Variants in NRXN3 observed in about 807,000 individuals in gnomAD.
NRXN3 encodes the protein neurexin 3.
In NRXN3, 32 loss-of-function variants were observed where a neutral mutation model predicts 137.6. That is an observed-to-expected ratio of 0.23 (90% CI 0.18 to 0.31). NRXN3 has a LOEUF of 0.31. NRXN3 is among the 10% of genes least tolerant of loss of function. The probability of loss-of-function intolerance (pLI) is 1.00; values close to 1 mark genes in which losing one functional copy is unlikely to be tolerated. For synonymous variants in NRXN3, 798 were observed against 784.5 expected, an observed-to-expected ratio of 1.02 and a Z score of -0.29; for missense variants, 1,574 against 2,062.5, an observed-to-expected ratio of 0.76 and a Z score of 4.59.
intron 2 of NRXN3, among the ~76,000 whole-genome samples, chr14:78,268,191 G>A (rs936694246): frequency 3.9e-5 from 6 of 152,098 alleles, no homozygotes; most frequent in African/African-American, 1.2e-4. Context: ...GTGTATCTTA[G>A]TATGGATGAA....
At chr14:79,472,313 C>T (rs2153624679) in intron 16 of NRXN3, among the ~76,000 whole-genome samples, 1 of 152,134 alleles carries the variant, frequency 6.6e-6, no homozygotes, top group East Asian at 1.9e-4. Context: ...CTCATCTGGG[C>T]CTTATAAAAG....
At chr14:79,283,498 G>A (rs1234226988) in intron 15 of NRXN3, among the ~76,000 whole-genome samples, 3 of 152,104 alleles carry the variant, frequency 2.0e-5, no homozygotes, top group Non-Finnish European at 2.9e-5. Context: ...CTACACTTTT[G>A]CCTGTGCTTG....
chr14:79,396,325 T>C (rs1247758600), intron 15 of NRXN3, among the ~76,000 whole-genome samples: 2 of 152,128 alleles, frequency 1.3e-5, no homozygotes, highest in African/African-American at 4.8e-5. Flanking sequence ...ACATATATTT[T>C]ACTAATAAGA....
chr14:79,594,690 C>CAA (rs57784227), intron 16 of NRXN3, among the ~76,000 whole-genome samples: 1,996 of 137,470 alleles, frequency 0.015, 17 homozygotes, highest in African/African-American at 0.015. Flanking sequence ...TCCAGGTCTT[C>CAA]AAAAAAAAAT....
intron 19 of NRXN3, among the ~76,000 whole-genome samples, chr14:79,719,283 ATATG>A (rs928123463): frequency 1.3e-5 from 1 of 75,556 alleles, no homozygotes; most frequent in African/African-American, 5.2e-5. Flanking sequence ...GTGTACATAT[ATATG>A]TATGTATGTG....
chr14:78,943,850 G>A (rs1045944087), intron 10 of NRXN3, among the ~76,000 whole-genome samples: 1 of 149,060 alleles, frequency 6.7e-6, no homozygotes, highest in Non-Finnish European at 1.5e-5. Context: ...ATGCAGACAT[G>A]GGCATTTTAG....
intron 15 of NRXN3, among the ~76,000 whole-genome samples, chr14:79,273,966 G>A (rs2079843758): frequency 6.6e-6 from 1 of 151,846 alleles, no homozygotes; most frequent in African/African-American, 2.4e-5. Context: ...GCATGGTGGT[G>A]CATTCCTGTA....
intron 15 of NRXN3, among the ~76,000 whole-genome samples, chr14:79,173,940 G>A (rs1330819910): frequency 1.3e-5 from 2 of 152,178 alleles, no homozygotes; most frequent in African/African-American, 2.4e-5. Context: ...TCTTTTAAAA[G>A]AAGAGACCCA....
chr14:78,847,564 C>A (rs2099030790), intron 10 of NRXN3, among the ~76,000 whole-genome samples: 1 of 152,078 alleles, frequency 6.6e-6, no homozygotes, highest in Non-Finnish European at 1.5e-5. Context: ...CAGTATGCCA[C>A]TTCCTAGGGA....
chr14:79,853,097 G>A (rs1401050003), intron 20 of NRXN3, among the ~76,000 whole-genome samples: 1 of 152,054 alleles, frequency 6.6e-6, no homozygotes, highest in Non-Finnish European at 1.5e-5. Context: ...AAGGAAGATG[G>A]ATGATGTCGT....
At chr14:79,117,708 T>C (rs1176984629) in intron 15 of NRXN3, among the ~76,000 whole-genome samples, 2 of 152,212 alleles carry the variant, frequency 1.3e-5, no homozygotes, top group African/African-American at 4.8e-5. Context: ...TTTCAGTCTT[T>C]GGCAGCACTT....
At chr14:78,457,050 C>T (rs537367755) in intron 4 of NRXN3, among the ~76,000 whole-genome samples, 2 of 148,826 alleles carry the variant, frequency 1.3e-5, no homozygotes, top group South Asian at 2.2e-4. Context: ...TCTCCCCCGC[C>T]ACCTCCTCTT....
At chr14:79,113,913 A>G (rs2053965629) in intron 15 of NRXN3, among the ~76,000 whole-genome samples, 1 of 152,176 alleles carries the variant, frequency 6.6e-6, no homozygotes, top group Admixed American at 6.5e-5. Flanking sequence ...ATTTCTAACG[A>G]GTTCCCAGAT....
intron 15 of NRXN3, among the ~76,000 whole-genome samples, chr14:79,348,526 C>T (rs564146388): frequency 1.3e-5 from 2 of 152,186 alleles, no homozygotes; most frequent in East Asian, 3.9e-4. Flanking sequence ...CAGGCGCCCG[C>T]CACCACTCCT....
At position 79,859,142 on chromosome 14, in the gene NRXN3, CA is replaced by C. The variant is rs2099409231; in HGVS notation, c.4094-2195del. Among the ~76,000 whole-genome samples the C allele has an allele frequency of 3.3e-5, 5 of 152,224 alleles. No individual in the cohort carries two copies. In the Middle Eastern group the frequency reaches 0.01, roughly 311 times the overall value. ...TACTACAAGATCATCTTGAGAATCT[CA>C]AAAAGGTATTTTTTTAAATTTCATA... On this transcript the variant is annotated intron_variant, in intron 20 of 20. Transcript: ENST00000335750.
intron 19 of NRXN3, among the ~76,000 whole-genome samples, chr14:79,799,706 CCT>C (rs1396641120): frequency 1.3e-5 from 2 of 152,170 alleles, no homozygotes; most frequent in Non-Finnish European, 2.9e-5. Flanking sequence ...ACTTCCTTCC[CCT>C]GTCTCACCAC....
chr14:78,731,631 C>G lies in NRXN3; in HGVS notation c.2044+16492C>G, dbSNP rs79803208. Among the ~76,000 whole-genome samples the G allele has an allele frequency of 0.016, 2,402 of 146,874 alleles. 107 individuals are homozygous for G. In the East Asian group the frequency reaches 0.21, roughly 13 times the overall value. Reference sequence around the variant, plus strand: ...TATGTGTGTGTGTGTGTGTGTGTCTCTGTGTGTGTGTGTGTGTATTCTATT... The same window carrying G: ...TATGTGTGTGTGTGTGTGTGTGTCTGTGTGTGTGTGTGTGTGTATTCTATT... On this transcript the variant is annotated intron_variant, in intron 8 of 20. Coordinates refer to ENST00000335750, the MANE Select transcript of NRXN3 (RefSeq NM_001330195.2).
chr14:79,327,428 C>A (rs897398634), intron 15 of NRXN3, among the ~76,000 whole-genome samples: 3 of 152,158 alleles, frequency 2.0e-5, no homozygotes, highest in African/African-American at 7.2e-5. Context: ...TTACTAACAC[C>A]ATCTACATGG....
intron 9 of NRXN3, among the ~76,000 whole-genome samples, chr14:78,807,845 C>A (rs938609159): frequency 6.6e-6 from 1 of 151,536 alleles, no homozygotes; most frequent in Admixed American, 6.6e-5. Context: ...ACAGGCAACA[C>A]ACAGATATGA....
Sources: gnomAD v4.1 joint callset for allele counts (sites outside exome capture counted in the v4.1 genomes callset) on GRCh38, gnomAD v4.1.1 for gene constraint, MANE v1.5 for transcripts, NCBI Gene and HGNC (gene_info 2026-07-23, HGNC 2026-07-21) for gene names.